CBL: variants seen among roughly 807,000 people sequenced by gnomAD.
CBL encodes the protein E3 ubiquitin-protein ligase CBL.
CBL carries 45 observed loss-of-function variants against 96.9 expected under a neutral mutation model. The ratio of observed to expected loss-of-function variants is 0.46; its 90% CI spans 0.37 to 0.60. The LOEUF is 0.60. Ranked by LOEUF, CBL falls within the 20% of genes least tolerant of loss-of-function variation. CBL has a pLI of 0.00. For synonymous variants in CBL, 420 were observed against 426.8 expected, an observed-to-expected ratio of 0.98 and a Z score of 0.20; for missense variants, 1,024 against 1,143.5, an observed-to-expected ratio of 0.90 and a Z score of 1.51.
intron 5 of CBL, 62 bp from the exon 6 acceptor site, chr11:119,275,930 TCTTGC>T: frequency 7.0e-7 from 1 of 1,422,112 alleles, no homozygotes; most frequent in Non-Finnish European, 1.0e-6. Context: ...TTTGTCTGTA[TCTTGC>T]CTTGCCTTCC....
chr11:119,239,787 T>G (rs1949571575), intron 2 of CBL, among the ~76,000 whole-genome samples: 1 of 152,052 alleles, frequency 6.6e-6, no homozygotes, highest in African/African-American at 2.4e-5. Context: ...GTTGTTGTTT[T>G]TTTTTTGCTT....
chr11:119,278,606 C>A lies in CBL; in HGVS notation c.1324C>A (p.Leu442Met), dbSNP rs200508558. ...DPFDPRGSGSLLRQGAEGAPS... is the reference protein window; with the variant it reads ...DPFDPRGSGSMLRQGAEGAPS... ...GTTTGATCCTAGAGGGAGTGGCAGC[C>A]TGTTGAGGCAAGGAGCAGAGGGAGC... Residue 442 changes from leucine (L) to methionine (M), a missense_variant, in exon 9 of 16, where the codon CTG becomes ATG. This residue lies in a region of CBL where 695 missense variants were observed against 661.6 expected (regional missense o/e 1.05). Transcript: ENST00000264033. The A allele has an allele frequency of 2.9e-5, 46 of 1,613,870 alleles. No homozygotes were observed. Among genetic ancestry groups the A allele is most frequent in the Non-Finnish European group, 3.5e-5 (41 of 1,179,958 alleles).
rs886047782 is a variant in CBL at position 119,301,900 on chromosome 11, GA to G, written c.*2129del. 151 of 217,554 alleles carry G rather than the reference GA, an allele frequency of 6.9e-4. No individual in the cohort carries two copies. Among genetic ancestry groups the G allele is most frequent in the Middle Eastern group, 2.9e-3 (2 of 694 alleles). The allele number at this position is 217,554 out of a possible 1,614,324, so 13.5% of individuals were successfully genotyped here. A position where few individuals can be genotyped will look rare whatever the true frequency, so the allele number is the denominator to read the frequency against. ...TATTGAAGGCCTAGACAAAGAACTA[GA>G]AAAAAAAAAGCAGTTTCCAGGCCCA... On this transcript the variant is annotated 3_prime_UTR_variant, in exon 16 of 16. Coordinates refer to ENST00000264033, the MANE Select transcript of CBL (RefSeq NM_005188.4).
At chr11:119,288,675 C>G (rs555309155) in intron 12 of CBL, among the ~76,000 whole-genome samples, 1 of 152,258 alleles carries the variant, frequency 6.6e-6, no homozygotes, top group African/African-American at 2.4e-5. Context: ...TACCAGAACG[C>G]ACATGGTCGG....
chr11:119,249,385 A>G (rs1949654543), intron 2 of CBL, among the ~76,000 whole-genome samples: 1 of 151,914 alleles, frequency 6.6e-6, no homozygotes. Flanking sequence ...GAAAAACCCC[A>G]TCTCTACTGA....
chr11:119,268,391 AAG>A (rs1412173934), intron 2 of CBL, among the ~76,000 whole-genome samples: 2 of 152,242 alleles, frequency 1.3e-5, no homozygotes, highest in Admixed American at 1.3e-4. Flanking sequence ...AGGTAAATGA[AAG>A]AAGCTAAGAA....
chr11:119,263,969 C>T (rs535939557), intron 2 of CBL, among the ~76,000 whole-genome samples: 1 of 152,214 alleles, frequency 6.6e-6, no homozygotes, highest in South Asian at 2.1e-4. Flanking sequence ...TACCCTTCAG[C>T]AGTATAATTA....
intron 11 of CBL, 83 bp from the exon 12 acceptor site, chr11:119,287,769 T>G (rs753549608): frequency 2.2e-6 from 2 of 890,824 alleles, no homozygotes; most frequent in Non-Finnish European, 3.8e-6. Context: ...TATCTGTTAT[T>G]GTTATTTTGA....
At chr11:119,248,501 T>C (rs1193077556) in intron 2 of CBL, among the ~76,000 whole-genome samples, 1 of 152,014 alleles carries the variant, frequency 6.6e-6, no homozygotes, top group Non-Finnish European at 1.5e-5. Context: ...AACAAACAAC[T>C]CTCAAAATGT....
At chr11:119,208,051 C>G (rs944850364) in intron 1 of CBL, among the ~76,000 whole-genome samples, 3 of 152,074 alleles carry the variant, frequency 2.0e-5, no homozygotes, top group Non-Finnish European at 4.4e-5. Flanking sequence ...ATTAATGACA[C>G]AAGTATTCGT....
rs529165355 is a variant in CBL, at chr11:119,288,451, T to C, written c.2036+505T>C. ...TCCTGCATCTCACTATGTCCTTACA[T>C]GGCCATCCTCAGTGTTTGCACAGAC... is the stretch of plus-strand genomic sequence containing the variant. On this transcript the variant is annotated intron_variant, in intron 12 of 15. Transcript: ENST00000264033. Among the ~76,000 whole-genome samples the C allele has an allele frequency of 4.5e-4, 68 of 150,438 alleles. 1 individual carries two copies. In the South Asian group the frequency reaches 0.015, roughly 33 times the overall value.
chr11:119,228,086 G>A (rs1397206621), intron 1 of CBL, among the ~76,000 whole-genome samples: 11 of 150,534 alleles, frequency 7.3e-5, no homozygotes, highest in South Asian at 2.1e-4. Flanking sequence ...TCTAGGAGGC[G>A]TCCTCTTCTT....
At chr11:119,278,125 A>C in intron 7 of CBL, 41 bp from the exon 8 acceptor site, 1 of 1,441,240 alleles carries the variant, frequency 6.9e-7, no homozygotes, top group Non-Finnish European at 9.7e-7. Context: ...AATTGCAGTT[A>C]TTTATTCAAC....
At chr11:119,245,634 C>T (rs1949621858) in intron 2 of CBL, among the ~76,000 whole-genome samples, 1 of 152,006 alleles carries the variant, frequency 6.6e-6, no homozygotes, top group Admixed American at 6.6e-5. Context: ...GAGGCTGAGG[C>T]AGGAGAATCA....
chr11:119,254,587 G>A (rs1949696490), intron 2 of CBL, among the ~76,000 whole-genome samples: 1 of 151,824 alleles, frequency 6.6e-6, no homozygotes, highest in Admixed American at 6.6e-5. Flanking sequence ...TAAAAATGTG[G>A]TATTATAATC....
At chr11:119,275,789 G>A (rs1341221757) in intron 5 of CBL, among the ~76,000 whole-genome samples, 2 of 152,158 alleles carry the variant, frequency 1.3e-5, no homozygotes, top group Non-Finnish European at 2.9e-5. Flanking sequence ...TTGAACCCAG[G>A]AGGTGGAGGC....
intron 1 of CBL, among the ~76,000 whole-genome samples, chr11:119,213,309 C>A (rs1252928046): frequency 6.6e-6 from 1 of 152,182 alleles, no homozygotes; most frequent in Non-Finnish European, 1.5e-5. Context: ...TCCCTTCCTT[C>A]TTACCTTCCT....
At chr11:119,246,173 C>G (rs1388138527) in intron 2 of CBL, among the ~76,000 whole-genome samples, 1 of 151,794 alleles carries the variant, frequency 6.6e-6, no homozygotes, top group Non-Finnish European at 1.5e-5. Flanking sequence ...CAGGGTTTCA[C>G]TATGTTGGCC....
Position 119,232,715 on chromosome 11 carries a change from C to G in CBL, c.443+20C>G. 2 of 1,609,942 alleles carry G rather than the reference C, an allele frequency of 1.2e-6. No individual in the cohort carries two copies. The highest frequency in any genetic ancestry group is 1.1e-5 in the South Asian group (1 of 90,686). ...GCCTAGGTAATGGAGAAATACTACA[C>G]AAATAATTATGCAGGTCTGTGACTG... On this transcript the variant is annotated intron_variant, in intron 2 of 15. Transcript: ENST00000264033.
Sources: gnomAD v4.1 joint callset for allele counts (sites outside exome capture counted in the v4.1 genomes callset) on GRCh38, gnomAD v4.1.1 for gene constraint, gnomAD v4.1.1 regional missense constraint, MANE v1.5 for transcripts, NCBI Gene and HGNC (gene_info 2026-07-23, HGNC 2026-07-21) for gene names.